ATRNL1: variants seen among roughly 807,000 people sequenced by gnomAD.
ATRNL1 encodes the protein attractin-like protein 1.
ATRNL1 carries 95 observed loss-of-function variants against 182.7 expected under a neutral mutation model. The observed-to-expected ratio is 0.52, with a 90% CI of 0.44 to 0.62. ATRNL1 has a LOEUF of 0.62. Among genes scored for constraint, ATRNL1 ranks in the 20% least tolerant of loss-of-function variants. The pLI is 0.00. For missense variants in ATRNL1, 1,471 were observed against 1,679.5 expected, an observed-to-expected ratio of 0.88 and a Z score of 2.17; for synonymous variants, 576 against 568.3, an observed-to-expected ratio of 1.01 and a Z score of -0.19.
At chr10:115,412,406 C>T (rs1258948457) in intron 20 of ATRNL1, among the ~76,000 whole-genome samples, 1 of 152,224 alleles carries the variant, frequency 6.6e-6, no homozygotes. Context: ...GTCTTGATTG[C>T]AGTCTGCTGT....
At chr10:115,391,246 T>C (rs1415710008) in intron 19 of ATRNL1, among the ~76,000 whole-genome samples, 1 of 152,234 alleles carries the variant, frequency 6.6e-6, no homozygotes, top group African/African-American at 2.4e-5. Context: ...TTTTTGATTA[T>C]AGAAAAAAGC....
chr10:115,640,497 T>C lies in ATRNL1; in HGVS notation c.3796-86751T>C, dbSNP rs1859168951. ...ACTGGCATGAGATGGTACCTCATTG[T>C]AGTTTTGATTTGCATTTCTCTAATG... On this transcript the variant is annotated intron_variant, in intron 26 of 28. Coordinates refer to ENST00000355044, the MANE Select transcript of ATRNL1 (RefSeq NM_207303.4). Among the ~76,000 whole-genome samples the C allele has an allele frequency of 1.3e-5, 2 of 152,206 alleles. 1 individual carries two copies. The highest frequency in any genetic ancestry group is 4.1e-4 in the South Asian group (2 of 4,830).
At chr10:115,448,982 T>A (rs1554967167) in intron 21 of ATRNL1, among the ~76,000 whole-genome samples, 1 of 152,076 alleles carries the variant, frequency 6.6e-6, no homozygotes, top group Non-Finnish European at 1.5e-5. Flanking sequence ...TCCAAAAAGT[T>A]GAGGAGAAGG....
chr10:115,494,825 A>C (rs1849468032), intron 24 of ATRNL1, among the ~76,000 whole-genome samples: 1 of 152,080 alleles, frequency 6.6e-6, no homozygotes, highest in African/African-American at 2.4e-5. Flanking sequence ...TCTTTGCCAG[A>C]TTTTGGTTTC....
chr10:115,636,516 A>G (rs1555028224), intron 26 of ATRNL1, among the ~76,000 whole-genome samples: 1 of 152,228 alleles, frequency 6.6e-6, no homozygotes, highest in African/African-American at 2.4e-5. Context: ...CCTACGTGTT[A>G]TGTGCTAACA....
intron 19 of ATRNL1, among the ~76,000 whole-genome samples, chr10:115,362,449 A>G (rs1224245635): frequency 6.6e-6 from 1 of 151,960 alleles, no homozygotes; most frequent in Non-Finnish European, 1.5e-5. Context: ...TTATCACCTA[A>G]CATACTTATG....
At chr10:115,850,993 T>C (rs1195152901) in intron 28 of ATRNL1, among the ~76,000 whole-genome samples, 1 of 152,216 alleles carries the variant, frequency 6.6e-6, no homozygotes, top group Non-Finnish European at 1.5e-5. Flanking sequence ...CAAATGTTAG[T>C]GTATCTGTTC....
At chr10:115,919,514 A>C (rs1427761181) in intron 28 of ATRNL1, among the ~76,000 whole-genome samples, 4 of 152,128 alleles carry the variant, frequency 2.6e-5, no homozygotes, top group Non-Finnish European at 5.9e-5. Context: ...AAATTTAAAA[A>C]TCACAGTGAA....
At chr10:115,776,738 G>A (rs2901061) in intron 27 of ATRNL1, among the ~76,000 whole-genome samples, 123,221 of 152,100 alleles carry the variant, frequency 0.81, 50,059 homozygotes, top group East Asian at 0.96. Context: ...GCCTATGAAT[G>A]TGTTATCTTG....
intron 25 of ATRNL1, among the ~76,000 whole-genome samples, chr10:115,545,234 C>CAAAAAAAA (rs71010026): frequency 4.2e-5 from 4 of 94,842 alleles, no homozygotes; most frequent in Non-Finnish European, 6.0e-5. Flanking sequence ...GACTCCGTAT[C>CAAAAAAAA]AAAAAAAAAA....
At chr10:115,742,062 A>C (rs1162137458) in intron 27 of ATRNL1, among the ~76,000 whole-genome samples, 2 of 152,218 alleles carry the variant, frequency 1.3e-5, no homozygotes, top group African/African-American at 4.8e-5. Flanking sequence ...TTATGCAGTC[A>C]TTGGTGGCTT....
intron 12 of ATRNL1, among the ~76,000 whole-genome samples, chr10:115,267,348 T>C (rs1851650034): frequency 6.6e-6 from 1 of 151,670 alleles, no homozygotes; most frequent in South Asian, 2.1e-4. Context: ...AATGAAATAA[T>C]TTATTTTCCA....
intron 28 of ATRNL1, among the ~76,000 whole-genome samples, chr10:115,887,690 C>A (rs1245334427): frequency 6.7e-6 from 1 of 149,330 alleles, no homozygotes; most frequent in Non-Finnish European, 1.5e-5. Context: ...ATGCCTAGTT[C>A]TTTTTCCAGT....
chr10:115,384,254 G>A (rs1858203239), intron 19 of ATRNL1, among the ~76,000 whole-genome samples: 1 of 151,914 alleles, frequency 6.6e-6, no homozygotes, highest in Non-Finnish European at 1.5e-5. Flanking sequence ...GTAAATGCAT[G>A]TTCTTTAAAA....
At chr10:115,397,144 G>A (rs1030157895) in intron 20 of ATRNL1, among the ~76,000 whole-genome samples, 3 of 151,806 alleles carry the variant, frequency 2.0e-5, no homozygotes, top group African/African-American at 7.3e-5. Context: ...AAAATGGTTT[G>A]TTAGGAAGGA....
At chr10:115,345,842 C>G (rs1386210610) in intron 19 of ATRNL1, among the ~76,000 whole-genome samples, 1 of 152,172 alleles carries the variant, frequency 6.6e-6, no homozygotes, top group East Asian at 1.9e-4. Flanking sequence ...TAAATGGAAT[C>G]ACAGTATGTA....
chr10:115,540,438 G>T (rs1340714192), intron 25 of ATRNL1, among the ~76,000 whole-genome samples: 1 of 152,058 alleles, frequency 6.6e-6, no homozygotes, highest in Non-Finnish European at 1.5e-5. Context: ...CCTTTGTAAA[G>T]TCAAGGTAGC....
chr10:115,371,003 G>A (rs1857365459), intron 19 of ATRNL1, among the ~76,000 whole-genome samples: 1 of 152,148 alleles, frequency 6.6e-6, no homozygotes, highest in South Asian at 2.1e-4. Context: ...GAATAAAAGG[G>A]GCCAAGGTAC....
At chr10:115,892,260 A>C (rs1555111448) in intron 28 of ATRNL1, among the ~76,000 whole-genome samples, 2 of 152,176 alleles carry the variant, frequency 1.3e-5, no homozygotes, top group African/African-American at 4.8e-5. Context: ...GTGCAAACAC[A>C]ATCAGTTAAC....
Sources: gnomAD v4.1 joint callset for allele counts (sites outside exome capture counted in the v4.1 genomes callset) on GRCh38, gnomAD v4.1.1 for gene constraint, MANE v1.5 for transcripts, NCBI Gene and HGNC (gene_info 2026-07-23, HGNC 2026-07-21) for gene names.